UNC13C: variants seen among roughly 807,000 people sequenced by gnomAD.
UNC13C encodes the protein protein unc-13 homolog C.
Under a neutral mutation model 245.4 loss-of-function variants are expected in UNC13C, and 174 were observed. The ratio of observed to expected loss-of-function variants is 0.71; its 90% CI spans 0.63 to 0.80. UNC13C has a LOEUF of 0.80. UNC13C is among the 30% of genes least tolerant of loss of function. UNC13C has a pLI of 0.00. For missense variants in UNC13C, 2,829 were observed against 2,602.9 expected, an observed-to-expected ratio of 1.09 and a Z score of -1.89; for synonymous variants, 992 against 895.1, an observed-to-expected ratio of 1.11 and a Z score of -1.93.
intron 2 of UNC13C, among the ~76,000 whole-genome samples, chr15:54,097,501 C>T (rs1024122307): frequency 3.3e-5 from 5 of 152,184 alleles, no homozygotes; most frequent in Admixed American, 3.3e-4. Context: ...TGATGAATAT[C>T]AGGCACTTTT....
chr15:54,131,933 G>A (rs1595891632), intron 2 of UNC13C, among the ~76,000 whole-genome samples: 3 of 151,970 alleles, frequency 2.0e-5, no homozygotes, highest in South Asian at 2.1e-4. Flanking sequence ...CTCCTCTCCC[G>A]AATGAGTCCT....
chr15:54,063,935 G>A (rs1897958933), intron 2 of UNC13C, among the ~76,000 whole-genome samples: 1 of 152,144 alleles, frequency 6.6e-6, no homozygotes, highest in Non-Finnish European at 1.5e-5. Context: ...GAGTTTCATG[G>A]ATAAAACACA....
chr15:53,872,610 C>T, the UNC13C span, among the ~76,000 whole-genome samples: 1 of 152,162 alleles, frequency 6.6e-6, no homozygotes, highest in African/African-American at 2.4e-5. Context: ...ACAACTTCCT[C>T]TCCAGTCTCC....
the UNC13C span, among the ~76,000 whole-genome samples, chr15:53,882,644 A>G: frequency 1.3e-5 from 2 of 152,286 alleles, no homozygotes; most frequent in African/African-American, 4.8e-5. Flanking sequence ...GCATTTGGTG[A>G]TGGTGGCCCA....
chr15:53,964,932 A>G, the UNC13C span, among the ~76,000 whole-genome samples: 7,132 of 152,238 alleles, frequency 0.047, 268 homozygotes, highest in African/African-American at 0.1. Context: ...CTAACAAGAC[A>G]TAGCCTGCCC....
intron 7 of UNC13C, among the ~76,000 whole-genome samples, chr15:54,240,469 A>T (rs1194770467): frequency 6.6e-6 from 1 of 152,178 alleles, no homozygotes; most frequent in Non-Finnish European, 1.5e-5. Flanking sequence ...TGTGGAAAAT[A>T]TCAAATGGTA....
At chr15:54,335,493 G>A (rs747214086) in intron 16 of UNC13C, among the ~76,000 whole-genome samples, 2 of 152,048 alleles carry the variant, frequency 1.3e-5, no homozygotes, top group Non-Finnish European at 2.9e-5. Context: ...AACCACCAGA[G>A]CAATAAGATA....
rs557957942 is a variant in UNC13C, at chr15:54,116,929, G to A, written c.2984-26089G>A. ...TTCCCCTTTCTCCATATCCTTGCCA[G>A]CATCATTATTACTGATCTTTTTGAT... On this transcript the variant is annotated intron_variant, in intron 2 of 32. Transcript: ENST00000260323. Among the ~76,000 whole-genome samples, 4 of 152,130 alleles carry A rather than the reference G, an allele frequency of 2.6e-5. No homozygotes were observed. In the South Asian group the frequency reaches 8.3e-4, roughly 32 times the overall value.
chr15:54,311,851 T>A (rs1432391104), intron 13 of UNC13C, among the ~76,000 whole-genome samples: 1 of 151,844 alleles, frequency 6.6e-6, no homozygotes, highest in Non-Finnish European at 1.5e-5. Flanking sequence ...TTGCATGATG[T>A]ACTTTAAAGT....
intron 1 of UNC13C, among the ~76,000 whole-genome samples, chr15:54,005,311 A>G (rs1016720160): frequency 1.3e-5 from 2 of 152,186 alleles, no homozygotes; most frequent in African/African-American, 4.8e-5. Flanking sequence ...CTATTTCCCT[A>G]AGATTGGTCC....
intron 11 of UNC13C, among the ~76,000 whole-genome samples, chr15:54,294,933 G>C (rs1426502367): frequency 6.6e-6 from 1 of 151,996 alleles, no homozygotes; most frequent in Non-Finnish European, 1.5e-5. Context: ...GACAAATGGA[G>C]GTCACATTGA....
intron 30 of UNC13C, among the ~76,000 whole-genome samples, chr15:54,614,164 T>A (rs995787356): frequency 3.3e-5 from 5 of 152,014 alleles, no homozygotes; most frequent in Admixed American, 2.0e-4. Flanking sequence ...TTTTTTAGAC[T>A]CTGGCTATAA....
the UNC13C span, among the ~76,000 whole-genome samples, chr15:53,903,801 T>C: frequency 6.7e-6 from 1 of 149,448 alleles, no homozygotes. Flanking sequence ...TTGCTGTGAA[T>C]GAGAAGTTAC....
At chr15:54,060,513 G>T (rs1234836820) in intron 2 of UNC13C, among the ~76,000 whole-genome samples, 1 of 152,244 alleles carries the variant, frequency 6.6e-6, no homozygotes, top group Non-Finnish European at 1.5e-5. Context: ...CTTTTGCACT[G>T]TTGGTGGGAC....
intron 24 of UNC13C, among the ~76,000 whole-genome samples, chr15:54,517,872 A>C (rs990142733): frequency 2.6e-5 from 4 of 152,200 alleles, no homozygotes; most frequent in African/African-American, 9.6e-5. Flanking sequence ...TGAAAGTTTT[A>C]ATTGTTATAA....
chr15:53,941,719 A>T, the UNC13C span, among the ~76,000 whole-genome samples: 2 of 152,230 alleles, frequency 1.3e-5, no homozygotes, highest in African/African-American at 2.4e-5. Context: ...ATTACAAGAA[A>T]AAAACAACCC....
intron 21 of UNC13C, among the ~76,000 whole-genome samples, chr15:54,500,550 T>G (rs1402112): frequency 0.48 from 72,876 of 151,794 alleles, 17,833 homozygotes; most frequent in East Asian, 0.72. Flanking sequence ...GCCACAACCG[T>G]CTTGCTAAGC....
intron 10 of UNC13C, among the ~76,000 whole-genome samples, chr15:54,280,352 G>C (rs1157962872): frequency 6.6e-6 from 1 of 151,708 alleles, no homozygotes; most frequent in Non-Finnish European, 1.5e-5. Flanking sequence ...TGTACAATAC[G>C]ATCCCATATT....
At chr15:53,925,666 C>T in the UNC13C span, among the ~76,000 whole-genome samples, 17 of 152,266 alleles carry the variant, frequency 1.1e-4, no homozygotes, top group African/African-American at 3.6e-4. Context: ...TGACAGGCTC[C>T]GAGAGTCTAG....
Sources: gnomAD v4.1 joint callset for allele counts (sites outside exome capture counted in the v4.1 genomes callset) on GRCh38, gnomAD v4.1.1 for gene constraint, MANE v1.5 for transcripts, NCBI Gene and HGNC (gene_info 2026-07-23, HGNC 2026-07-21) for gene names.